SGSM1: variants seen among roughly 807,000 people sequenced by gnomAD.
SGSM1 encodes the protein RUN and TBC1 domain containing 2.
Under a neutral mutation model 133.8 loss-of-function variants are expected in SGSM1, and 73 were observed. The observed-to-expected ratio is 0.55, with a 90% CI of 0.45 to 0.66. SGSM1 has a LOEUF of 0.66. Among genes scored for constraint, SGSM1 ranks in the 30% least tolerant of loss-of-function variants. The probability of loss-of-function intolerance (pLI) is 0.00; values close to 1 mark genes in which losing one functional copy is unlikely to be tolerated. For missense variants in SGSM1, 1,213 were observed against 1,448.1 expected, an observed-to-expected ratio of 0.84 and a Z score of 2.64; for synonymous variants, 563 against 573.0, an observed-to-expected ratio of 0.98 and a Z score of 0.25.
intron 10 of SGSM1, among the ~76,000 whole-genome samples, chr22:24,867,751 C>G (rs1187246624): frequency 6.6e-6 from 1 of 152,168 alleles, no homozygotes; most frequent in African/African-American, 2.4e-5. Context: ...CCGTGCCTCA[C>G]CAAGGAACAA....
intron 15 of SGSM1, among the ~76,000 whole-genome samples, chr22:24,886,199 G>C (rs190838048): frequency 8.6e-5 from 13 of 151,110 alleles, no homozygotes; most frequent in East Asian, 8.0e-4. Context: ...TCAGGAGTTC[G>C]AGACCAGCCT....
At chr22:24,871,197 G>T (rs896376819) in intron 12 of SGSM1, among the ~76,000 whole-genome samples, 1 of 152,154 alleles carries the variant, frequency 6.6e-6, no homozygotes, top group Non-Finnish European at 1.5e-5. Context: ...TCTAGACATT[G>T]CCAGGTGTCC....
At chr22:24,851,449 G>GGGAGAGAGAGA (rs1555925285) in intron 5 of SGSM1, among the ~76,000 whole-genome samples, 1 of 112,822 alleles carries the variant, frequency 8.9e-6, no homozygotes, top group Non-Finnish European at 1.7e-5. Flanking sequence ...GGGGGTGGGG[G>GGGAGAGAGAGA]GAGAGAGAGA....
In SGSM1 at chr22:24,821,257, G is replaced by A. The variant is rs1186974260; in HGVS notation, c.63+14773G>A. 5.3e-5 allele frequency among the ~76,000 whole-genome samples: 8 copies of A among 152,144 alleles called. No individual in the cohort carries two copies. The East Asian group carries it at 1.3e-3, about 26-fold the overall frequency. On this transcript the variant is annotated intron_variant, in intron 2 of 24. Coordinates refer to ENST00000400358, the MANE Select transcript of SGSM1 (RefSeq NM_001098497.3). Reference sequence around the variant, plus strand: ...TGACCATGTTAGCCAGGCTGGTCTCGAAATCCTGACCTCAGGTCATCCACC... The same window carrying A: ...TGACCATGTTAGCCAGGCTGGTCTCAAAATCCTGACCTCAGGTCATCCACC...
intron 16 of SGSM1, among the ~76,000 whole-genome samples, chr22:24,892,774 C>T (rs1292330970): frequency 1.3e-5 from 2 of 151,214 alleles, no homozygotes; most frequent in South Asian, 2.1e-4. Flanking sequence ...TTTGGCCGGG[C>T]GCAGTGGCTC....
At chr22:24,840,988 C>T (rs1280133989) in intron 2 of SGSM1, among the ~76,000 whole-genome samples, 1 of 151,990 alleles carries the variant, frequency 6.6e-6, no homozygotes, top group African/African-American at 2.4e-5. Context: ...GTAGCTGGGA[C>T]TACAGGCGCC....
Position 24,886,581 on chromosome 22 carries a change from T to C in SGSM1, c.1642-19T>C, listed in dbSNP as rs1265933438. ...GTTTTCTGTTGACCAAACTCTTTGC[T>C]CCTCTCCACCCACCACAGAGTTACG... is the stretch of plus-strand genomic sequence containing the variant. On this transcript the variant is annotated intron_variant, in intron 15 of 24. Transcript: ENST00000400358. 6.5e-7 allele frequency: 1 copy of C among 1,550,324 alleles called. No homozygotes were observed. The highest frequency in any genetic ancestry group is 1.2e-5 in the South Asian group (1 of 83,994).
intron 9 of SGSM1, among the ~76,000 whole-genome samples, chr22:24,865,220 A>G (rs912629258): frequency 3.3e-5 from 5 of 152,204 alleles, no homozygotes; most frequent in African/African-American, 1.2e-4. Context: ...AGAGAAGTGA[A>G]CAAAGCAGAA....
chr22:24,831,576 C>G (rs546544487), intron 2 of SGSM1, among the ~76,000 whole-genome samples: 3 of 152,170 alleles, frequency 2.0e-5, no homozygotes, highest in Admixed American at 6.5e-5. Flanking sequence ...GGCCGAGGAG[C>G]CTGGAGGCAG....
chr22:24,903,001 A>G (rs1357725806), intron 20 of SGSM1, among the ~76,000 whole-genome samples: 1 of 151,940 alleles, frequency 6.6e-6, no homozygotes, highest in African/African-American at 2.4e-5. Flanking sequence ...GTGATCACAC[A>G]ACTGCACTCC....
At chr22:24,847,482 C>T (rs931141524) in intron 3 of SGSM1, among the ~76,000 whole-genome samples, 152 bp from the exon 4 acceptor site, 5 of 152,176 alleles carry the variant, frequency 3.3e-5, no homozygotes, top group African/African-American at 1.2e-4. Context: ...TGCACCTATA[C>T]AAGTGTGAGC....
intron 15 of SGSM1, among the ~76,000 whole-genome samples, chr22:24,884,983 C>T (rs1341318737): frequency 6.6e-6 from 1 of 151,180 alleles, no homozygotes; most frequent in Non-Finnish European, 1.5e-5. Context: ...GAGTTTTGCT[C>T]TTGTTGCCCA....
Position 24,907,470 on chromosome 22 carries a change from A to G in SGSM1, c.2818+2283A>G, listed in dbSNP as rs185711328. ...GTTGTTAAGGTAGCAATGCTCTCCAATGATCTGTAAAGTCAGTGCAATCTC... is the reference window on the plus strand; with the variant it reads ...GTTGTTAAGGTAGCAATGCTCTCCAGTGATCTGTAAAGTCAGTGCAATCTC... On this transcript the variant is annotated intron_variant, in intron 21 of 24. Transcript: ENST00000400358. 8.9e-4 allele frequency among the ~76,000 whole-genome samples: 135 copies of G among 152,174 alleles called. 1 individual carries two copies. The highest frequency in any genetic ancestry group is 1.4e-3 in the Non-Finnish European group (94 of 68,014).
intron 5 of SGSM1, among the ~76,000 whole-genome samples, chr22:24,851,353 T>G (rs1280528656): frequency 6.9e-6 from 1 of 143,984 alleles, no homozygotes; most frequent in Non-Finnish European, 1.5e-5. Context: ...GCAAGAGCAG[T>G]GAGGAGCCAT....
intron 24 of SGSM1, among the ~76,000 whole-genome samples, chr22:24,923,887 G>C (rs1228279786): frequency 6.6e-6 from 1 of 152,206 alleles, no homozygotes; most frequent in African/African-American, 2.4e-5. Context: ...CTCCCAAGGT[G>C]CTGGGATTAC....
At chr22:24,900,620 C>T (rs955864984) in intron 19 of SGSM1, among the ~76,000 whole-genome samples, 1 of 152,106 alleles carries the variant, frequency 6.6e-6, no homozygotes, top group Admixed American at 6.5e-5. Flanking sequence ...TGGTCTCAAA[C>T]TCTCGACCTC....
In SGSM1 at chr22:24,879,059, C is replaced by T. The variant is rs5996784; in HGVS notation, c.1431-403C>T. Among the ~76,000 whole-genome samples the T allele has an allele frequency of 9.1e-3, 1,380 of 152,224 alleles. 31 individuals carry two copies. The highest frequency in any genetic ancestry group is 0.031 in the African/African-American group (1,302 of 41,532). ...AAAGATGGCTCCCAGCAGCCACTGC[C>T]CTATATCCCACTGGCTTAGAAACCC... is the stretch of plus-strand genomic sequence containing the variant. On this transcript the variant is annotated intron_variant, in intron 13 of 24. Transcript: ENST00000400358.
chr22:24,877,848 T>C (rs1247856185), intron 13 of SGSM1, among the ~76,000 whole-genome samples: 1 of 144,854 alleles, frequency 6.9e-6, no homozygotes, highest in Non-Finnish European at 1.5e-5. Context: ...TCTCTTTCTG[T>C]CGCCCAGGCT....
chr22:24,882,909 T>C (rs1026493176), intron 14 of SGSM1, among the ~76,000 whole-genome samples: 1 of 151,872 alleles, frequency 6.6e-6, no homozygotes, highest in African/African-American at 2.4e-5. Flanking sequence ...TTTCTTTCTT[T>C]TTTTTTGAGA....
Sources: gnomAD v4.1 joint callset for allele counts (sites outside exome capture counted in the v4.1 genomes callset) on GRCh38, gnomAD v4.1.1 for gene constraint, MANE v1.5 for transcripts, NCBI Gene and HGNC (gene_info 2026-07-23, HGNC 2026-07-21) for gene names.